GRID2: variants seen among roughly 807,000 people sequenced by gnomAD.
The protein encoded by GRID2 is glutamate ionotropic receptor delta type subunit 2.
In GRID2, 33 loss-of-function variants were observed where a neutral mutation model predicts 114.8. The observed-to-expected ratio is 0.29, with a 90% confidence interval of 0.22 to 0.38. The LOEUF (loss-of-function observed/expected upper bound fraction) is 0.38, where lower values mean the gene tolerates loss of function less well. GRID2 is among the 10% of genes least tolerant of loss of function. The probability of loss-of-function intolerance (pLI) is 1.00; values close to 1 mark genes in which losing one functional copy is unlikely to be tolerated. For synonymous variants in GRID2, 505 were observed against 449.9 expected (o/e 1.12, Z -1.55); for missense variants, 1,184 against 1,257.7 (o/e 0.94, Z 0.89).
intron 2 of GRID2, among the ~76,000 whole-genome samples, chr4:92,690,585 A>G (rs1734138101): frequency 1.3e-5 from 2 of 152,208 alleles, no homozygotes; most frequent in Admixed American, 6.5e-5. Flanking sequence ...GATTTGCTTG[A>G]CGCAGGGTTG....
intron 9 of GRID2, 58 bp from the exon 10 acceptor site, chr4:93,422,713 C>A: frequency 9.6e-7 from 1 of 1,045,826 alleles, no homozygotes; most frequent in Non-Finnish European, 1.5e-6. Context: ...AAGAATTAAT[C>A]TTTGCTTTTA....
intron 2 of GRID2, among the ~76,000 whole-genome samples, chr4:93,012,807 C>G (rs549519734): frequency 6.6e-6 from 1 of 152,024 alleles, no homozygotes; most frequent in South Asian, 2.1e-4. Context: ...GAAATAAAAA[C>G]TTACTCTGCA....
At chr4:92,716,767 G>A (rs1735572677) in intron 2 of GRID2, among the ~76,000 whole-genome samples, 1 of 152,078 alleles carries the variant, frequency 6.6e-6, no homozygotes. Flanking sequence ...TGATTGCCTG[G>A]GAGAAAATCA....
At chr4:92,380,218 T>C (rs566996112) in intron 1 of GRID2, among the ~76,000 whole-genome samples, 1 of 151,978 alleles carries the variant, frequency 6.6e-6, no homozygotes, top group Non-Finnish European at 1.5e-5. Context: ...TTGATTTTTT[T>C]GTGTAATGAT....
chr4:93,198,842 T>C (rs1190252571), intron 4 of GRID2, among the ~76,000 whole-genome samples: 1 of 152,178 alleles, frequency 6.6e-6, no homozygotes, highest in Non-Finnish European at 1.5e-5. Context: ...TTATTTTTTC[T>C]TTATTGGCTT....
At chr4:92,536,145 T>C (rs763298827) in intron 1 of GRID2, among the ~76,000 whole-genome samples, 6 of 152,208 alleles carry the variant, frequency 3.9e-5, no homozygotes, top group Non-Finnish European at 8.8e-5. Context: ...TTTATTCCCT[T>C]ATTTGGCCCC....
chr4:93,163,125 T>C (rs920468471), intron 4 of GRID2, among the ~76,000 whole-genome samples: 4 of 151,822 alleles, frequency 2.6e-5, no homozygotes, highest in Non-Finnish European at 5.9e-5. Flanking sequence ...TGTATACATT[T>C]GTTGTAAACA....
intron 8 of GRID2, among the ~76,000 whole-genome samples, chr4:93,295,483 T>G (rs772599967): frequency 6.6e-6 from 1 of 152,142 alleles, no homozygotes; most frequent in South Asian, 2.1e-4. Flanking sequence ...CTTATCAGAT[T>G]AGGCAAATCT....
intron 1 of GRID2, among the ~76,000 whole-genome samples, chr4:92,562,836 C>A (rs1727162016): frequency 6.6e-6 from 1 of 152,182 alleles, no homozygotes; most frequent in South Asian, 2.1e-4. Flanking sequence ...GTTTTACATA[C>A]ATCATGTATA....
At chr4:93,291,541 A>G (rs1753761445) in intron 8 of GRID2, among the ~76,000 whole-genome samples, 1 of 152,210 alleles carries the variant, frequency 6.6e-6, no homozygotes, top group Non-Finnish European at 1.5e-5. Flanking sequence ...TAATTAAAAA[A>G]TACATAATTG....
intron 2 of GRID2, among the ~76,000 whole-genome samples, chr4:92,908,023 C>CAAACA (rs993504166): frequency 2.0e-5 from 3 of 151,964 alleles, no homozygotes; most frequent in African/African-American, 7.2e-5. Flanking sequence ...AACTCCATCT[C>CAAACA]AAACAAAACA....
At chr4:93,791,249 T>C (rs1022226437) in intron 1 of GRID2, among the ~76,000 whole-genome samples, 9 of 152,230 alleles carry the variant, frequency 5.9e-5, no homozygotes, top group Non-Finnish European at 1.2e-4. Context: ...GAAGTATACA[T>C]TGTATTCCAC....
chr4:93,415,960 T>C (rs1767663577), intron 9 of GRID2, among the ~76,000 whole-genome samples: 2 of 151,988 alleles, frequency 1.3e-5, no homozygotes, highest in African/African-American at 2.4e-5. Flanking sequence ...GTAAAAACAT[T>C]TAAGGAAAGA....
chr4:92,525,631 C>T (rs1051233348), intron 1 of GRID2, among the ~76,000 whole-genome samples: 2 of 152,114 alleles, frequency 1.3e-5, no homozygotes, highest in Non-Finnish European at 2.9e-5. Context: ...CCTCTACCTC[C>T]TGACACTGGA....
chr4:93,389,295 A>C (rs1305907224), intron 8 of GRID2, among the ~76,000 whole-genome samples: 4 of 152,174 alleles, frequency 2.6e-5, no homozygotes, highest in Non-Finnish European at 4.4e-5. Flanking sequence ...GTAATAATTA[A>C]ATGCTAAAAT....
chr4:93,328,332 A>G (rs1013594840), intron 8 of GRID2, among the ~76,000 whole-genome samples: 2 of 151,978 alleles, frequency 1.3e-5, no homozygotes, highest in African/African-American at 2.4e-5. Context: ...TGCATGCCCC[A>G]TTCTAGCTGC....
intron 1 of GRID2, among the ~76,000 whole-genome samples, chr4:92,534,090 C>A (rs887644409): frequency 6.6e-6 from 1 of 151,918 alleles, no homozygotes; most frequent in Non-Finnish European, 1.5e-5. Context: ...TTATTTAAAT[C>A]TTTTTGAAGT....
intron 1 of GRID2, among the ~76,000 whole-genome samples, chr4:92,563,729 T>C (rs1038516414): frequency 1.3e-5 from 2 of 152,126 alleles, no homozygotes; most frequent in African/African-American, 4.8e-5. Flanking sequence ...TATGTAAAGT[T>C]AATGACATCT....
intron 1 of GRID2, among the ~76,000 whole-genome samples, chr4:92,388,295 C>G (rs553248728): frequency 6.6e-6 from 1 of 152,124 alleles, no homozygotes; most frequent in African/African-American, 2.4e-5. Context: ...GATTCTCTGG[C>G]TCAGCTATAT....
Sources: allele counts gnomAD v4.1 joint callset (sites outside exome capture counted in the v4.1 genomes callset), GRCh38; gene constraint gnomAD v4.1.1; transcripts MANE v1.5; gene names NCBI Gene and HGNC (gene_info 2026-07-23, HGNC 2026-07-21).